CTNNA1: variants seen among roughly 807,000 people sequenced by gnomAD.
The protein encoded by CTNNA1 is catenin alpha 1.
In CTNNA1, 37 loss-of-function variants were observed where a neutral mutation model predicts 98.4. That is an observed-to-expected ratio of 0.38 (90% confidence interval 0.29 to 0.49). The LOEUF (loss-of-function observed/expected upper bound fraction) is 0.49, where lower values mean the gene tolerates loss of function less well. Among genes scored for constraint, CTNNA1 ranks in the 20% least tolerant of loss-of-function variants. The pLI, the probability that CTNNA1 is intolerant of heterozygous loss-of-function variation, is 0.95. For synonymous variants in CTNNA1, 404 were observed against 413.2 expected (o/e 0.98, Z 0.27); for missense variants, 761 against 1,147.2 (o/e 0.66, Z 4.86).
Position 138,904,360 on chromosome 5 carries a change from G to C in CTNNA1, c.1308G>C (p.Leu436Phe). Residue 436 changes from leucine to phenylalanine, a missense_variant, in exon 10 of 18, where the codon TTG becomes TTC. Physicochemically the swap from Leu to Phe is conservative, Grantham distance 22. Coordinates refer to ENST00000302763, the MANE Select transcript of CTNNA1 (RefSeq NM_001903.5). ...TTTTATGTTTATAGGTTGCCAACTT[G>C]GCCTGTTCCATCTCAAATAATGAAG... ...HANKLIEVANLACSISNNEEG... is the reference protein window; with the variant it reads ...HANKLIEVANFACSISNNEEG... The C allele has an allele frequency of 6.2e-7, 1 of 1,613,198 alleles. No individual in the cohort carries two copies. The highest frequency in any genetic ancestry group is 8.5e-7 in the Non-Finnish European group (1 of 1,179,712).
chr5:138,906,508 T>G (rs921592440), intron 10 of CTNNA1, among the ~76,000 whole-genome samples: 4 of 152,170 alleles, frequency 2.6e-5, no homozygotes, highest in African/African-American at 9.7e-5. Context: ...CATACACTGA[T>G]CACACCTACC....
intron 9 of CTNNA1, among the ~76,000 whole-genome samples, chr5:138,895,604 AG>A (rs1405395108): frequency 2.6e-5 from 4 of 152,190 alleles, no homozygotes; most frequent in Admixed American, 6.5e-5. Context: ...TCTTAAAATA[AG>A]TATTTATAGA....
intron 1 of CTNNA1, among the ~76,000 whole-genome samples, chr5:138,760,468 G>A (rs1280679404): frequency 6.7e-6 from 1 of 149,970 alleles, no homozygotes; most frequent in African/African-American, 2.5e-5. Context: ...AGCTCAAAAC[G>A]ATTCTCCTGC....
intron 9 of CTNNA1, among the ~76,000 whole-genome samples, chr5:138,898,915 G>A (rs1757457163): frequency 6.6e-6 from 1 of 151,958 alleles, no homozygotes; most frequent in African/African-American, 2.4e-5. Flanking sequence ...TCCTCATTTT[G>A]ACTTTCTAGG....
chr5:138,922,488 G>A (rs13158360), intron 11 of CTNNA1, among the ~76,000 whole-genome samples: 53,033 of 152,074 alleles, frequency 0.35, 10,050 homozygotes, highest in African/African-American at 0.51. Flanking sequence ...ATAGTTGTCT[G>A]TATTTTGTAT....
rs566740289 is a variant in CTNNA1 at position 138,934,457 on chromosome 5, G to T, written c.*368G>T. The stretch of plus-strand genomic sequence containing the variant: ...ATTTGGCTCAACTTCAGTTGAGAGG[G>T]TGCAGTCCAGACAGCTTGACTGCTT... On this transcript the variant is annotated 3_prime_UTR_variant, in exon 18 of 18. Transcript: ENST00000302763. 20 of 238,204 alleles carry T rather than the reference G, an allele frequency of 8.4e-5. No homozygotes were observed. The East Asian group carries it at 2.1e-3, about 25-fold the overall frequency. The allele number at this position is 238,204 out of a possible 1,614,324, so 14.8% of individuals were successfully genotyped here. A position where few individuals can be genotyped will look rare whatever the true frequency, so the allele number is the denominator to read the frequency against.
chr5:138,808,329 G>A (rs1046678039), intron 3 of CTNNA1, among the ~76,000 whole-genome samples: 2 of 152,098 alleles, frequency 1.3e-5, no homozygotes, highest in Non-Finnish European at 2.9e-5. Flanking sequence ...TCAAACATTT[G>A]TTGAACAAAT....
At chr5:138,818,548 G>C (rs554098441) in intron 5 of CTNNA1, among the ~76,000 whole-genome samples, 114 of 152,262 alleles carry the variant, frequency 7.5e-4, no homozygotes, top group Non-Finnish European at 1.5e-3. Context: ...GTGCTGGTTA[G>C]GGAGTGTGTG....
chr5:138,765,243 G>A (rs967049443), intron 1 of CTNNA1, among the ~76,000 whole-genome samples: 1 of 152,122 alleles, frequency 6.6e-6, no homozygotes, highest in Non-Finnish European at 1.5e-5. Flanking sequence ...GTTTCACCAG[G>A]TTGGCCAGGC....
intron 1 of CTNNA1, among the ~76,000 whole-genome samples, chr5:138,780,827 A>C (rs1156760561): frequency 2.0e-5 from 3 of 152,178 alleles, no homozygotes; most frequent in South Asian, 2.1e-4. Flanking sequence ...TTAAGCTTTT[A>C]AATGTCTACC....
At chr5:138,830,957 A>G (rs1041314989) in intron 7 of CTNNA1, among the ~76,000 whole-genome samples, 10 of 152,190 alleles carry the variant, frequency 6.6e-5, no homozygotes, top group Non-Finnish European at 1.5e-4. Context: ...TCTTGATTTT[A>G]AAAAAATGGT....
intron 1 of CTNNA1, among the ~76,000 whole-genome samples, chr5:138,767,045 C>CT (rs1561501748): frequency 1.5e-4 from 22 of 151,412 alleles, no homozygotes. Context: ...TTCTTTCTTT[C>CT]TTTTTTTTGA....
chr5:138,886,140 C>G (rs1361845780), intron 7 of CTNNA1, 72 bp from the exon 8 acceptor site: 1 of 1,532,282 alleles, frequency 6.5e-7, no homozygotes, highest in Non-Finnish European at 8.9e-7. Flanking sequence ...GACATGAGCA[C>G]AAATGGCTAT....
At chr5:138,820,689 T>C (rs1366476392) in intron 5 of CTNNA1, among the ~76,000 whole-genome samples, 2 of 152,044 alleles carry the variant, frequency 1.3e-5, no homozygotes, top group African/African-American at 2.4e-5. Flanking sequence ...TTTGGCACTC[T>C]ATCTCAATTA....
chr5:138,925,408 G>GT lies in CTNNA1; in HGVS notation c.1899+2dup. 6.2e-7 allele frequency: 1 copy of GT among 1,613,404 alleles called. No homozygotes were observed. Among genetic ancestry groups the GT allele is most frequent in the Non-Finnish European group, 8.5e-7 (1 of 1,179,748 alleles). Reference sequence around the variant, plus strand: ...CAGGAAAGCAGTGCTGATGATAAGGGTGAGTAACTGCATTTCAGACGTCTT... The same window carrying GT: ...CAGGAAAGCAGTGCTGATGATAAGGGTTGAGTAACTGCATTTCAGACGTCTT... On this transcript the variant is annotated splice_donor_variant, in intron 13 of 17. Transcript: ENST00000302763. LOFTEE classifies it high-confidence loss of function.
chr5:138,907,393 CTAATT>C (rs1388476715), intron 10 of CTNNA1, among the ~76,000 whole-genome samples: 5 of 152,222 alleles, frequency 3.3e-5, no homozygotes, highest in Non-Finnish European at 5.9e-5. Context: ...CAATTGGTAA[CTAATT>C]TAAAGTTTTT....
chr5:138,878,315 C>T (rs1752114827), intron 7 of CTNNA1, among the ~76,000 whole-genome samples: 1 of 152,144 alleles, frequency 6.6e-6, no homozygotes, highest in Non-Finnish European at 1.5e-5. Context: ...GCAGAGTTCC[C>T]ATTGATGGAA....
In CTNNA1 at chr5:138,869,464, T is replaced by C. The variant is rs1765136833; in HGVS notation, c.1063-16748T>C. The stretch of plus-strand genomic sequence containing the variant: ...CAGACTTTTCAGATAGGTCTGTCGC[T>C]GTATTCCTGTATTAGGAAAACGATC... On this transcript the variant is annotated intron_variant, in intron 7 of 17. Transcript: ENST00000302763. 3.3e-5 allele frequency: 5 copies of C among 152,056 alleles called. No individual in the cohort carries two copies. The South Asian group carries it at 1.0e-3, about 32-fold the overall frequency. The allele number at this position is 152,056 out of a possible 1,614,324, so 9.4% of individuals were successfully genotyped here.
chr5:138,925,930 G>A, intron 13 of CTNNA1, among the ~76,000 whole-genome samples: 1 of 152,100 alleles, frequency 6.6e-6, no homozygotes, highest in East Asian at 1.9e-4. Flanking sequence ...CTGTCGCAGG[G>A]GCAGAGGAGA....
Sources: allele counts gnomAD v4.1 joint callset (sites outside exome capture counted in the v4.1 genomes callset), GRCh38; gene constraint gnomAD v4.1.1; transcripts MANE v1.5; gene names NCBI Gene and HGNC (gene_info 2026-07-23, HGNC 2026-07-21).